The following CAPSL variants were observed in gnomAD, a reference collection of about 807,000 sequenced individuals.
CAPSL encodes calcyphosin-like protein.
In CAPSL, 17 loss-of-function variants were observed where a neutral mutation model predicts 21.3. The observed-to-expected ratio is 0.80, with a 90% CI of 0.55 to 1.20. CAPSL has a LOEUF of 1.20. CAPSL is among the 50% of genes most tolerant of loss of function. The probability of loss-of-function intolerance (pLI) is 0.00; values close to 1 mark genes in which losing one functional copy is unlikely to be tolerated. For missense variants in CAPSL, 289 were observed against 259.3 expected (o/e 1.11, Z -0.79); for synonymous variants, 102 against 89.3 (o/e 1.14, Z -0.80).
rs117674583 is a variant in CAPSL at position 35,937,166 on chromosome 5, G to T, written c.-1+1375C>A. Among the ~76,000 whole-genome samples, 747 of 152,244 alleles carry T rather than the reference G, an allele frequency of 4.9e-3. 8 individuals are homozygous for T. The highest frequency in any genetic ancestry group is 0.033 in the South Asian group (161 of 4,820). On this transcript the variant is annotated intron_variant, in intron 1 of 4. Transcript: ENST00000651391. ...TTTCCACCATTGCAAATGTCTCCTA[G>T]TTGGTTTCCTGCCCCTAGCTTTGCC...
intron 1 of CAPSL, 111 bp from the exon 2 acceptor site, chr5:35,921,231 G>T: frequency 7.4e-7 from 1 of 1,345,672 alleles, no homozygotes; most frequent in Non-Finnish European, 1.0e-6. Context: ...TCTCTGTCAG[G>T]AAACCTCTCA....
intron 3 of CAPSL, 44 bp from the exon 4 acceptor site, chr5:35,910,119 T>C (rs1738175956): frequency 3.4e-6 from 5 of 1,490,028 alleles, no homozygotes; most frequent in Non-Finnish European, 4.5e-6. Context: ...CATAAGCAAA[T>C]GAGCTTTTTT....
intron 1 of CAPSL, among the ~76,000 whole-genome samples, chr5:35,936,317 T>C (rs1342194317): frequency 6.6e-6 from 1 of 152,128 alleles, no homozygotes; most frequent in Non-Finnish European, 1.5e-5. Context: ...TTCTCAGCCA[T>C]CAGTTATGCC....
At chr5:35,911,387 C>T (rs945122834) in intron 2 of CAPSL, among the ~76,000 whole-genome samples, 1 of 152,202 alleles carries the variant, frequency 6.6e-6, no homozygotes, top group Admixed American at 6.5e-5. Flanking sequence ...TCATGTTAAT[C>T]ATACATATCC....
At chr5:35,910,935 T>G (rs1738204483) in intron 2 of CAPSL, among the ~76,000 whole-genome samples, 1 of 152,224 alleles carries the variant, frequency 6.6e-6, no homozygotes. Context: ...GGTGTAAACC[T>G]TAATGCATAT....
chr5:35,935,713 C>A (rs879270694), intron 1 of CAPSL, among the ~76,000 whole-genome samples: 3 of 151,840 alleles, frequency 2.0e-5, no homozygotes, highest in Non-Finnish European at 4.4e-5. Flanking sequence ...CCTTATGGTA[C>A]CTCCAGACTT....
intron 4 of CAPSL, 191 bp from the exon 5 acceptor site, chr5:35,904,837 G>C: frequency 2.3e-6 from 1 of 430,610 alleles, no homozygotes; most frequent in Non-Finnish European, 3.1e-6. Flanking sequence ...CCTAGGAAGA[G>C]AGAAAGAAAG....
intron 4 of CAPSL, among the ~76,000 whole-genome samples, chr5:35,904,973 G>C: frequency 6.6e-6 from 1 of 152,194 alleles, no homozygotes; most frequent in Non-Finnish European, 1.5e-5. Flanking sequence ...GAAGTGCTCT[G>C]CAACTGTAGT....
intron 2 of CAPSL, among the ~76,000 whole-genome samples, chr5:35,914,759 A>C (rs1738327229): frequency 6.6e-6 from 1 of 152,252 alleles, no homozygotes; most frequent in Non-Finnish European, 1.5e-5. Flanking sequence ...AGAAAGCAGG[A>C]AAGATCTAAA....
At chr5:35,930,464 G>A (rs1383130726) in intron 1 of CAPSL, among the ~76,000 whole-genome samples, 2 of 151,998 alleles carry the variant, frequency 1.3e-5, no homozygotes, top group East Asian at 3.9e-4. Flanking sequence ...CCAGGGTTGG[G>A]GCTAGGGCTA....
At chr5:35,938,349 A>T (rs1739007262) in intron 1 of CAPSL, among the ~76,000 whole-genome samples, 192 bp downstream of exon 1, 1 of 152,110 alleles carries the variant, frequency 6.6e-6, no homozygotes, top group African/African-American at 2.4e-5. Context: ...AGATTACAAA[A>T]ATCTTTCCCA....
At chr5:35,926,974 T>C (rs1738701460) in intron 1 of CAPSL, among the ~76,000 whole-genome samples, 1 of 152,114 alleles carries the variant, frequency 6.6e-6, no homozygotes, top group African/African-American at 2.4e-5. Context: ...AAGAGCAGGG[T>C]TAGCCTGCGT....
At chr5:35,921,767 G>C (rs1277402344) in intron 1 of CAPSL, among the ~76,000 whole-genome samples, 1 of 152,044 alleles carries the variant, frequency 6.6e-6, no homozygotes, top group Non-Finnish European at 1.5e-5. Flanking sequence ...TTAGCTGGGG[G>C]CCTGGAGACC....
chr5:35,918,853 A>G (rs563253054), intron 2 of CAPSL, among the ~76,000 whole-genome samples: 212 of 152,268 alleles, frequency 1.4e-3, no homozygotes, highest in Middle Eastern at 6.8e-3. Context: ...CAAGAATACT[A>G]TCATAAGAGT....
chr5:35,922,217 G>A (rs962928161), intron 1 of CAPSL, among the ~76,000 whole-genome samples: 15 of 152,066 alleles, frequency 9.9e-5, no homozygotes, highest in Admixed American at 2.6e-4. Flanking sequence ...TCACAACCTC[G>A]TCTATGCCAA....
intron 1 of CAPSL, among the ~76,000 whole-genome samples, chr5:35,933,433 G>A (rs1738869181): frequency 6.6e-6 from 1 of 152,170 alleles, no homozygotes; most frequent in South Asian, 2.1e-4. Flanking sequence ...AAGATTCTGA[G>A]CAGGGCCTGT....
At chr5:35,905,030 T>G (rs1455276725) in intron 4 of CAPSL, among the ~76,000 whole-genome samples, 1 of 152,182 alleles carries the variant, frequency 6.6e-6, no homozygotes, top group Non-Finnish European at 1.5e-5. Context: ...GTCATGTCCT[T>G]GTGTCAGGGT....
chr5:35,913,732 C>T (rs565586101), intron 2 of CAPSL, among the ~76,000 whole-genome samples: 30 of 152,226 alleles, frequency 2.0e-4, no homozygotes, highest in South Asian at 1.9e-3. Flanking sequence ...AAGGAACAAC[C>T]GGTACCAGCC....
chr5:35,913,371 G>C (rs994031551), intron 2 of CAPSL, among the ~76,000 whole-genome samples: 5 of 152,058 alleles, frequency 3.3e-5, no homozygotes, highest in African/African-American at 9.7e-5. Context: ...CACAAAGATA[G>C]TCCTCGAGAA....
Sources: gnomAD v4.1 joint callset for allele counts (sites outside exome capture counted in the v4.1 genomes callset) on GRCh38, gnomAD v4.1.1 for gene constraint, MANE v1.5 for transcripts, NCBI Gene and HGNC (gene_info 2026-07-23, HGNC 2026-07-21) for gene names.